Variants in CLTCL1 observed in about 807,000 individuals in gnomAD.
The protein encoded by CLTCL1 is clathrin heavy chain 2.
A neutral mutation model predicts 190.0 loss-of-function variants in CLTCL1; 159 were observed. The observed-to-expected ratio is 0.84, with a 90% CI of 0.74 to 0.95. The LOEUF (loss-of-function observed/expected upper bound fraction) is 0.95, where lower values mean the gene tolerates loss of function less well. Ranked by LOEUF, CLTCL1 falls within the 40% of genes least tolerant of loss-of-function variation. The probability of loss-of-function intolerance (pLI) is 0.00; values close to 1 mark genes in which losing one functional copy is unlikely to be tolerated. For synonymous variants in CLTCL1, 752 were observed against 769.6 expected (o/e 0.98, Z 0.38); for missense variants, 1,878 against 2,033.4 (o/e 0.92, Z 1.47).
chr22:19,183,154 A>T, intron 30 of CLTCL1: 1 of 512,994 alleles, frequency 1.9e-6, no homozygotes. Context: ...CAGAGTCTAC[A>T]GGAGGGCTGC....
rs2085954522 is a variant in CLTCL1, at chr22:19,232,682, A to G, written c.1522-84T>C. ...GGAAGTTATCCATCCTTTGTTTTAA[A>G]CTCGTGTTAACAAAGAAATGAGCAG... is the stretch of plus-strand genomic sequence containing the variant. On this transcript the variant is annotated intron_variant, in intron 9 of 32. Transcript: ENST00000427926. 3 of 1,494,678 alleles carry G rather than the reference A, an allele frequency of 2.0e-6. No homozygotes were observed. The Admixed American group carries it at 6.6e-5, about 33-fold the overall frequency. The allele number at this position is 1,494,678 out of a possible 1,614,324, so 92.6% of individuals were successfully genotyped here.
chr22:19,256,731 C>T (rs1369526170), intron 2 of CLTCL1, among the ~76,000 whole-genome samples: 5 of 151,972 alleles, frequency 3.3e-5, no homozygotes, highest in African/African-American at 1.2e-4. Flanking sequence ...AACTCCTGGC[C>T]TCATGCAATC....
At chr22:19,211,919 G>C (rs797030183) in intron 19 of CLTCL1, among the ~76,000 whole-genome samples, 70 of 149,516 alleles carry the variant, frequency 4.7e-4, no homozygotes, top group African/African-American at 1.7e-3. Context: ...AAAATCAATT[G>C]TATTTCTATA....
In CLTCL1 at chr22:19,218,341, T is replaced by C. The variant is rs529227355; in HGVS notation, c.2919+1544A>G. On this transcript the variant is annotated intron_variant, in intron 18 of 32. Coordinates refer to ENST00000427926, the MANE Select transcript of CLTCL1 (RefSeq NM_007098.4). ...AACCCTAGTAGAATATTGTGTTGTT[T>C]AATATTTTTATTAGATTTGGATGGG... 2.6e-5 allele frequency among the ~76,000 whole-genome samples: 4 copies of C among 152,342 alleles called. No individual in the cohort carries two copies. In the East Asian group the frequency reaches 5.8e-4, roughly 22 times the overall value.
At chr22:19,195,799 A>C (rs1196469247) in intron 26 of CLTCL1, among the ~76,000 whole-genome samples, 1 of 152,160 alleles carries the variant, frequency 6.6e-6, no homozygotes, top group Non-Finnish European at 1.5e-5. Context: ...GTTAGGCTAC[A>C]GGATGGAGGC....
chr22:19,234,613 T>C lies in CLTCL1; in HGVS notation c.1063A>G (p.Ser355Gly), dbSNP rs2086020152. The change falls in exon 7 of 33, where the codon AGT becomes GGT. Residue 355 changes from serine to glycine, a missense_variant. Ser to Gly is a moderately conservative substitution (Grantham distance 56, BLOSUM62 0). Coordinates refer to ENST00000427926, the MANE Select transcript of CLTCL1 (RefSeq NM_007098.4). ...PDLGLRLAVR[S>G]NLAGAEKLFV... ...AACTTCTCTGCCCCAGCCAGGTTAC[T>C]ACGAACGGCCAAACGCAGACCAAGG... is the stretch of plus-strand genomic sequence containing the variant. 1.2e-6 allele frequency: 2 copies of C among 1,614,038 alleles called. No homozygotes were observed. Among genetic ancestry groups the C allele is most frequent in the Non-Finnish European group, 1.7e-6 (2 of 1,179,900 alleles).
chr22:19,277,234 A>G (rs1555983928), intron 1 of CLTCL1, among the ~76,000 whole-genome samples: 1 of 152,196 alleles, frequency 6.6e-6, no homozygotes, highest in Non-Finnish European at 1.5e-5. Context: ...TGCTGAGTGG[A>G]GCAGGCTACA....
At chr22:19,221,810 C>T in intron 16 of CLTCL1, 141 bp downstream of exon 16, 3 of 1,040,444 alleles carry the variant, frequency 2.9e-6, no homozygotes, top group Non-Finnish European at 4.1e-6. Flanking sequence ...TTCACAGTAC[C>T]AATAGCAAGT....
chr22:19,191,417 A>C lies in CLTCL1; in HGVS notation c.4210T>G (p.Cys1404Gly), dbSNP rs1555932030. Residue 1404 changes from cysteine (C) to glycine (G), a missense_variant, in exon 27 of 33, where the codon TGT (cysteine) becomes GGT (glycine). Coordinates refer to ENST00000427926, the MANE Select transcript of CLTCL1 (RefSeq NM_007098.4). ...IITKVANVELCYRALQFYLDY... is the reference protein window; with the variant it reads ...IITKVANVELGYRALQFYLDY... ...AAATAGAACTGCAGGGCTCTGTAAC[A>C]GAGCTCGACGTTGGCAACCTGTGGT... 1 of 1,613,848 alleles carries C rather than the reference A, an allele frequency of 6.2e-7. No individual in the cohort carries two copies. The highest frequency in any genetic ancestry group is 1.7e-5 in the Admixed American group (1 of 60,024).
intron 3 of CLTCL1, among the ~76,000 whole-genome samples, chr22:19,250,293 T>A (rs1202039404): frequency 1.3e-5 from 2 of 151,004 alleles, no homozygotes; most frequent in African/African-American, 4.9e-5. Flanking sequence ...ACAAAACCTG[T>A]TTTTTGGGCA....
chr22:19,205,012 G>C (rs2085006964), intron 22 of CLTCL1, among the ~76,000 whole-genome samples: 1 of 152,168 alleles, frequency 6.6e-6, no homozygotes, highest in East Asian at 1.9e-4. Context: ...AGGGGGATTG[G>C]GGGCAAGGCT....
At chr22:19,211,054 CCTTTG>C (rs1479353571) in intron 19 of CLTCL1, among the ~76,000 whole-genome samples, 5 of 150,234 alleles carry the variant, frequency 3.3e-5, no homozygotes, top group African/African-American at 1.2e-4. Flanking sequence ...CTTGAACTTT[CCTTTG>C]CTTTAATTAT....
chr22:19,273,250 G>A (rs1366418074), intron 2 of CLTCL1, among the ~76,000 whole-genome samples: 2 of 152,072 alleles, frequency 1.3e-5, no homozygotes, highest in Admixed American at 6.5e-5. Context: ...ACTTGTCAAC[G>A]ATTTGTACTA....
At position 19,225,515 on chromosome 22, in the gene CLTCL1, T is replaced by C; in HGVS notation, c.2066A>G (p.Tyr689Cys). 1 of 1,587,236 alleles carries C rather than the reference T, an allele frequency of 6.3e-7. No individual in the cohort carries two copies. Among genetic ancestry groups the C allele is most frequent in the East Asian group, 2.3e-5 (1 of 43,500 alleles). ...LQLCVQVASKYHEQLGTQALV... is the reference protein window; with the variant it reads ...LQLCVQVASKCHEQLGTQALV... ...GGCCTGCGTGCCCAGCTGCTCGTGG[T>C]ACTTAGAGGCCACCTGCACACACAG... Residue 689 changes from tyrosine (Y) to cysteine (C), a missense_variant, in exon 13 of 33, where the codon TAC becomes TGC. Coordinates refer to ENST00000427926, the MANE Select transcript of CLTCL1 (RefSeq NM_007098.4).
At chr22:19,291,121 G>A (rs1270202143) in intron 1 of CLTCL1, among the ~76,000 whole-genome samples, 1 of 152,232 alleles carries the variant, frequency 6.6e-6, no homozygotes, top group African/African-American at 2.4e-5. Flanking sequence ...ATTTAGGCTT[G>A]GCCCTGAGAA....
At chr22:19,240,114 C>T (rs2086205597) in intron 4 of CLTCL1, among the ~76,000 whole-genome samples, 1 of 151,834 alleles carries the variant, frequency 6.6e-6, no homozygotes, top group African/African-American at 2.4e-5. Context: ...TGCCACCACA[C>T]CCGGCTAAAC....
chr22:19,202,499 A>C (rs1338513128), intron 22 of CLTCL1, among the ~76,000 whole-genome samples: 1 of 35,426 alleles, frequency 2.8e-5, no homozygotes, highest in Non-Finnish European at 5.8e-5. Context: ...CTCCCGCACC[A>C]CCCCTCCTTC....
intron 1 of CLTCL1, among the ~76,000 whole-genome samples, chr22:19,288,413 C>T (rs1473714137): frequency 1.3e-5 from 2 of 152,170 alleles, no homozygotes; most frequent in African/African-American, 2.4e-5. Flanking sequence ...AGAACATATT[C>T]CCCATGGGTA....
intron 29 of CLTCL1, 30 bp from the exon 30 acceptor site, chr22:19,183,641 A>G (rs1378503671): frequency 1.9e-6 from 3 of 1,607,716 alleles, no homozygotes; most frequent in Admixed American, 1.7e-5. Context: ...TTGCTTGGGC[A>G]TCCTGCAGGC....
Sources: gnomAD v4.1 joint callset for allele counts (sites outside exome capture counted in the v4.1 genomes callset) on GRCh38, gnomAD v4.1.1 for gene constraint, MANE v1.5 for transcripts, NCBI Gene and HGNC (gene_info 2026-07-23, HGNC 2026-07-21) for gene names.